Variants in HDAC9 observed in about 807,000 individuals in gnomAD.
The protein encoded by HDAC9 is MEF-2 interacting transcription repressor (MITR) protein.
Under a neutral mutation model 139.4 loss-of-function variants are expected in HDAC9, and 41 were observed. The ratio of observed to expected loss-of-function variants is 0.29; its 90% CI spans 0.23 to 0.38. The LOEUF (loss-of-function observed/expected upper bound fraction) is 0.38. HDAC9 is among the 10% of genes least tolerant of loss of function. The probability of loss-of-function intolerance (pLI) is 1.00; values close to 1 mark genes in which losing one functional copy is unlikely to be tolerated. For synonymous variants in HDAC9, 517 were observed against 476.2 expected (o/e 1.09, Z -1.12); for missense variants, 1,147 against 1,297.0 (o/e 0.88, Z 1.78).
chr7:18,694,656 G>A (rs1782908467), intron 12 of HDAC9, among the ~76,000 whole-genome samples: 1 of 152,030 alleles, frequency 6.6e-6, no homozygotes. Flanking sequence ...TCCCTTTCGT[G>A]GAGCAGGACT....
chr7:18,667,605 C>T, intron 12 of HDAC9: 1 of 985,234 alleles, frequency 1.0e-6, no homozygotes, highest in Non-Finnish European at 1.2e-6. Context: ...CAGGTTCCTG[C>T]TGTTCTCCTA....
At chr7:18,534,579 G>C (rs1321634607) in intron 2 of HDAC9, among the ~76,000 whole-genome samples, 1 of 152,086 alleles carries the variant, frequency 6.6e-6, no homozygotes, top group Non-Finnish European at 1.5e-5. Flanking sequence ...GAAAAAGAGA[G>C]AATCCTTGCG....
chr7:18,229,756 G>C (rs991211989), intron 2 of HDAC9, among the ~76,000 whole-genome samples: 1 of 152,034 alleles, frequency 6.6e-6, no homozygotes, highest in African/African-American at 2.4e-5. Flanking sequence ...GAACACCTTT[G>C]AACATTTACT....
chr7:18,171,510 C>T lies in HDAC9; in HGVS notation c.25+9161C>T, dbSNP rs192929954. ...GAATAGGAGTGGTGAGAGAGGGCAT[C>T]CCTGTCTTGTGCCAGTTTTCAAAGG... is the stretch of plus-strand genomic sequence containing the variant. On this transcript the variant is annotated intron_variant, in intron 2 of 12. Transcript: ENST00000417496. Among the ~76,000 whole-genome samples, 758 of 152,290 alleles carry T rather than the reference C, an allele frequency of 5.0e-3. 12 individuals carry two copies. The highest frequency in any genetic ancestry group is 0.017 in the African/African-American group (714 of 41,538).
chr7:18,609,837 G>T (rs900319397), intron 6 of HDAC9, among the ~76,000 whole-genome samples: 3 of 147,798 alleles, frequency 2.0e-5, no homozygotes, highest in African/African-American at 7.5e-5. Flanking sequence ...GTGTCCAAGT[G>T]TTCTCATTGT....
At chr7:18,303,700 A>G (rs902608467) in intron 1 of HDAC9, among the ~76,000 whole-genome samples, 1 of 152,134 alleles carries the variant, frequency 6.6e-6, no homozygotes, top group Non-Finnish European at 1.5e-5. Context: ...TCCAGTTCCC[A>G]TTTGAGATAG....
chr7:18,781,339 A>G (rs1791232783), intron 16 of HDAC9, among the ~76,000 whole-genome samples: 1 of 152,020 alleles, frequency 6.6e-6, no homozygotes, highest in East Asian at 1.9e-4. Flanking sequence ...CCAGCTCTTC[A>G]TCTCATCAAC....
intron 1 of HDAC9, among the ~76,000 whole-genome samples, chr7:18,342,739 C>G (rs1268112364): frequency 1.3e-5 from 2 of 151,724 alleles, no homozygotes; most frequent in Non-Finnish European, 2.9e-5. Flanking sequence ...CTTATTTTAT[C>G]ACTATTTTAT....
At chr7:18,707,442 A>G (rs937391175) in intron 12 of HDAC9, among the ~76,000 whole-genome samples, 8 of 152,190 alleles carry the variant, frequency 5.3e-5, no homozygotes, top group African/African-American at 1.9e-4. Flanking sequence ...AAAATTGAAA[A>G]CAGTCCAACA....
Position 18,762,231 on chromosome 7 carries a change from C to A in HDAC9, c.2118C>A (p.Gly706=). 6.2e-7 allele frequency: 1 copy of A among 1,613,590 alleles called. No individual in the cohort carries two copies. Among genetic ancestry groups the A allele is most frequent in the Non-Finnish European group, 8.5e-7 (1 of 1,179,670 alleles). Residue 706 remains glycine (G), a synonymous_variant, in exon 15 of 26, where the codon GGC becomes GGA. Transcript: ENST00000686413. ...VHSEHHSLLY[G]TNPLDGQKLD... ...CTGAACATCACTCACTGTTGTATGG[C>A]ACCAACCCCCTGGACGGACAGAAGC...
chr7:18,648,041 AT>A, intron 10 of HDAC9, 43 bp downstream of exon 10: 1 of 1,407,810 alleles, frequency 7.1e-7, no homozygotes, highest in Non-Finnish European at 9.8e-7. Context: ...TTAGGGTTTT[AT>A]TTTATTAGTG....
chr7:18,301,229 G>A (rs564863090), intron 1 of HDAC9, among the ~76,000 whole-genome samples: 1 of 152,104 alleles, frequency 6.6e-6, no homozygotes, highest in South Asian at 2.1e-4. Flanking sequence ...CTCAATATAA[G>A]CATCAGAATA....
intron 1 of HDAC9, among the ~76,000 whole-genome samples, chr7:18,437,196 AGTGTAT>A (rs1397854951): frequency 1.3e-5 from 2 of 152,112 alleles, no homozygotes; most frequent in Non-Finnish European, 2.9e-5. Flanking sequence ...ATTGTGAAAG[AGTGTAT>A]GTGTATGTGT....
chr7:18,707,068 G>A (rs1346841919), intron 12 of HDAC9, among the ~76,000 whole-genome samples: 1 of 152,116 alleles, frequency 6.6e-6, no homozygotes, highest in African/African-American at 2.4e-5. Flanking sequence ...AGAGCTAGGG[G>A]TGGAGCCCCA....
At chr7:18,319,574 T>C (rs1427146201) in intron 1 of HDAC9, among the ~76,000 whole-genome samples, 1 of 152,268 alleles carries the variant, frequency 6.6e-6, no homozygotes, top group Non-Finnish European at 1.5e-5. Context: ...GAAATTGCCA[T>C]TGTAAACTCT....
intron 1 of HDAC9, among the ~76,000 whole-genome samples, chr7:18,490,526 G>C (rs1027589840): frequency 1.3e-5 from 2 of 151,944 alleles, no homozygotes; most frequent in Non-Finnish European, 2.9e-5. Context: ...AAAATCTTGC[G>C]TCAGATGAGG....
At chr7:18,362,242 C>G (rs779262462) in intron 1 of HDAC9, among the ~76,000 whole-genome samples, 2 of 152,160 alleles carry the variant, frequency 1.3e-5, no homozygotes, top group Non-Finnish European at 2.9e-5. Flanking sequence ...AACAGAATTG[C>G]AGAGATCGTA....
intron 22 of HDAC9, among the ~76,000 whole-genome samples, chr7:18,910,803 A>G (rs1235913224): frequency 6.6e-6 from 1 of 151,890 alleles, no homozygotes; most frequent in Non-Finnish European, 1.5e-5. Flanking sequence ...TGATCACTTG[A>G]TCATGGTGTA....
intron 1 of HDAC9, among the ~76,000 whole-genome samples, chr7:18,325,093 C>T (rs1800333245): frequency 6.6e-6 from 1 of 152,016 alleles, no homozygotes; most frequent in African/African-American, 2.4e-5. Context: ...CGAGTTGAAT[C>T]CGTTGCCTGA....
Sources: gnomAD v4.1 joint callset for allele counts (sites outside exome capture counted in the v4.1 genomes callset) on GRCh38, gnomAD v4.1.1 for gene constraint, MANE v1.5 for transcripts, NCBI Gene and HGNC (gene_info 2026-07-23, HGNC 2026-07-21) for gene names.